TMEM178A: variants seen among roughly 807,000 people sequenced by gnomAD.
TMEM178A encodes the protein transmembrane protein 178A, also known as transmembrane protein 178.
Under a neutral mutation model 29.1 loss-of-function variants are expected in TMEM178A, and 12 were observed. That is an observed-to-expected ratio of 0.41 (90% confidence interval 0.26 to 0.67). TMEM178A has a LOEUF of 0.67. Ranked by LOEUF, TMEM178A falls within the 30% of genes least tolerant of loss-of-function variation. The pLI is 0.29. For missense variants in TMEM178A, 366 were observed against 419.1 expected, an observed-to-expected ratio of 0.87 and a Z score of 1.11; for synonymous variants, 210 against 187.2, an observed-to-expected ratio of 1.12 and a Z score of -0.99.
intron 1 of TMEM178A, among the ~76,000 whole-genome samples, chr2:39,690,376 C>A (rs1671262140): frequency 6.6e-6 from 1 of 152,232 alleles, no homozygotes. Context: ...ATATCAGCAC[C>A]TAGCTCAACT....
At chr2:39,702,602 T>C (rs532949437) in intron 1 of TMEM178A, among the ~76,000 whole-genome samples, 5 of 152,022 alleles carry the variant, frequency 3.3e-5, no homozygotes, top group African/African-American at 9.6e-5. Context: ...AGCTAACTTA[T>C]ATGTAAACAG....
At chr2:39,674,511 G>T (rs752365547) in intron 1 of TMEM178A, among the ~76,000 whole-genome samples, 14 of 152,152 alleles carry the variant, frequency 9.2e-5, no homozygotes, top group Non-Finnish European at 1.9e-4. Flanking sequence ...TGGGGACTTG[G>T]GAGGAAGAGC....
chr2:39,694,324 C>T (rs1671451042), intron 1 of TMEM178A, among the ~76,000 whole-genome samples: 1 of 152,018 alleles, frequency 6.6e-6, no homozygotes, highest in Non-Finnish European at 1.5e-5. Flanking sequence ...AATAGTGAAG[C>T]CAAAATGCAA....
upstream of TMEM178A, chr2:39,665,848 G>A: frequency 1.1e-6 from 1 of 884,638 alleles, no homozygotes; most frequent in Non-Finnish European, 1.5e-6. Context: ...GGGCGAGGAG[G>A]CCGTAGGAGG....
At chr2:39,671,118 A>C (rs1273440343) in intron 1 of TMEM178A, among the ~76,000 whole-genome samples, 1 of 152,202 alleles carries the variant, frequency 6.6e-6, no homozygotes, top group African/African-American at 2.4e-5. Context: ...TTTTCCTCTA[A>C]TGAGATAAAC....
At chr2:39,702,426 TC>T (rs1467358899) in intron 1 of TMEM178A, among the ~76,000 whole-genome samples, 1 of 152,098 alleles carries the variant, frequency 6.6e-6, no homozygotes, top group Non-Finnish European at 1.5e-5. Context: ...AGCTTTCACT[TC>T]CTGCTTACAG....
the TMEM178A span, among the ~76,000 whole-genome samples, chr2:39,723,328 G>T: frequency 6.6e-6 from 1 of 152,134 alleles, no homozygotes; most frequent in East Asian, 1.9e-4. Context: ...TTAAAGACCT[G>T]AATAAATTGT....
chr2:39,670,531 G>T (rs1377411589), intron 1 of TMEM178A, among the ~76,000 whole-genome samples: 1 of 152,204 alleles, frequency 6.6e-6, no homozygotes, highest in Non-Finnish European at 1.5e-5. Flanking sequence ...TGGGTAAAAT[G>T]ACAGAAAATA....
At chr2:39,690,392 A>T (rs1671262810) in intron 1 of TMEM178A, among the ~76,000 whole-genome samples, 2 of 152,208 alleles carry the variant, frequency 1.3e-5, no homozygotes, top group Non-Finnish European at 2.9e-5. Flanking sequence ...CAACTCTGGG[A>T]TGCAGAGAAG....
Position 39,717,474 on chromosome 2 carries a change from T to C in TMEM178A, c.*223T>C, listed in dbSNP as rs954938113. 23 of 496,104 alleles carry C rather than the reference T, an allele frequency of 4.6e-5. No individual in the cohort carries two copies. Among genetic ancestry groups the C allele is most frequent in the East Asian group, 4.0e-4 (12 of 29,870 alleles). 30.7% of individuals were successfully genotyped at this position (496,104 alleles called of 1,614,324 possible). On this transcript the variant is annotated 3_prime_UTR_variant, in exon 4 of 4. Coordinates refer to ENST00000281961, the MANE Select transcript of TMEM178A (RefSeq NM_152390.3). Reference sequence around the variant, plus strand: ...ACTATTTATGCGTTGACTGTGAGAATAGGGAGCAGTGCCATGGGACATTTC... The same window carrying C: ...ACTATTTATGCGTTGACTGTGAGAACAGGGAGCAGTGCCATGGGACATTTC...
chr2:39,699,146 C>G (rs1435437731), intron 1 of TMEM178A, among the ~76,000 whole-genome samples: 2 of 151,828 alleles, frequency 1.3e-5, no homozygotes, highest in African/African-American at 4.8e-5. Context: ...GTGCCTCAGC[C>G]TCCTGAGTAG....
intron 1 of TMEM178A, among the ~76,000 whole-genome samples, chr2:39,680,902 AT>A (rs1450414715): frequency 1.3e-5 from 2 of 152,180 alleles, no homozygotes; most frequent in Non-Finnish European, 2.9e-5. Flanking sequence ...TGCTTTTTGA[AT>A]TTAATAATTC....
chr2:39,708,608 G>A (rs1672156261), intron 3 of TMEM178A, among the ~76,000 whole-genome samples: 2 of 150,910 alleles, frequency 1.3e-5, no homozygotes, highest in African/African-American at 2.4e-5. Context: ...TAGTAGAGAC[G>A]GGGTTTCACC....
At chr2:39,716,765 G>C (rs1288276246) in intron 3 of TMEM178A, among the ~76,000 whole-genome samples, 1 of 152,012 alleles carries the variant, frequency 6.6e-6, no homozygotes, top group African/African-American at 2.4e-5. Flanking sequence ...GAATAATTCA[G>C]GTTATCAGAA....
intron 3 of TMEM178A, among the ~76,000 whole-genome samples, chr2:39,713,565 T>G (rs1483220446): frequency 2.6e-5 from 4 of 152,202 alleles, no homozygotes; most frequent in Non-Finnish European, 5.9e-5. Context: ...GAGGAGAGAC[T>G]ATGTGAAGAC....
rs34580359 is a variant in TMEM178A, at chr2:39,717,781, GT to G, written c.*543del. On this transcript the variant is annotated 3_prime_UTR_variant, in exon 4 of 4. Transcript: ENST00000281961. ...AAGATTCTTCTTCTGTTGCCTTATT[GT>G]TTTTTTTTTTTTAAGTCTCTTCTCT... 2,207 of 140,608 alleles carry G rather than the reference GT, an allele frequency of 0.016. 26 individuals carry two copies. The highest frequency in any genetic ancestry group is 0.063 in the Middle Eastern group (17 of 268). The allele number at this position is 140,608 out of a possible 1,614,324, so 8.7% of individuals were successfully genotyped here. A position where few individuals can be genotyped will look rare whatever the true frequency, so the allele number is the denominator to read the frequency against.
At chr2:39,731,348 T>C in the TMEM178A span, among the ~76,000 whole-genome samples, 3 of 152,196 alleles carry the variant, frequency 2.0e-5, no homozygotes, top group Admixed American at 6.5e-5. Context: ...AAGTTGTTTA[T>C]TGAGCCCATG....
chr2:39,725,007 G>A, the TMEM178A span, among the ~76,000 whole-genome samples: 2 of 152,166 alleles, frequency 1.3e-5, no homozygotes, highest in African/African-American at 4.8e-5. Flanking sequence ...GGGAGATGAC[G>A]CATGTGATTA....
the TMEM178A span, among the ~76,000 whole-genome samples, chr2:39,724,885 C>G: frequency 2.6e-5 from 4 of 152,246 alleles, no homozygotes; most frequent in African/African-American, 9.6e-5. Context: ...CGAGCAGCCT[C>G]TACTTTACAG....
Sources: gnomAD v4.1 joint callset for allele counts (sites outside exome capture counted in the v4.1 genomes callset) on GRCh38, gnomAD v4.1.1 for gene constraint, MANE v1.5 for transcripts, NCBI Gene and HGNC (gene_info 2026-07-23, HGNC 2026-07-21) for gene names.